Variants in ERBB4 observed in about 807,000 individuals in gnomAD.
ERBB4 encodes the protein erb-b2 receptor tyrosine kinase 4, also known as receptor tyrosine-protein kinase erbB-4.
ERBB4 carries 42 observed loss-of-function variants against 158.0 expected under a neutral mutation model. That is an observed-to-expected ratio of 0.27 (90% CI 0.21 to 0.34). ERBB4 has a LOEUF of 0.34. ERBB4 is among the 10% of genes least tolerant of loss of function. The pLI is 1.00. For missense variants in ERBB4, 1,333 were observed against 1,624.1 expected, an observed-to-expected ratio of 0.82 and a Z score of 3.08; for synonymous variants, 583 against 558.7, an observed-to-expected ratio of 1.04 and a Z score of -0.61.
intron 1 of ERBB4, among the ~76,000 whole-genome samples, chr2:212,405,853 G>T (rs1047162151): frequency 1.3e-5 from 2 of 152,046 alleles, no homozygotes; most frequent in African/African-American, 4.8e-5. Context: ...GAAAATTGAT[G>T]AATTTGAATA....
intron 3 of ERBB4, among the ~76,000 whole-genome samples, chr2:211,843,984 G>C (rs2077535536): frequency 6.6e-6 from 1 of 152,118 alleles, no homozygotes; most frequent in South Asian, 2.1e-4. Context: ...AGAGGTTGAA[G>C]TGGATTTTGA....
At chr2:211,753,247 A>T (rs2075187370) in intron 4 of ERBB4, among the ~76,000 whole-genome samples, 1 of 151,980 alleles carries the variant, frequency 6.6e-6, no homozygotes, top group South Asian at 2.1e-4. Context: ...AAGTACAGAG[A>T]GAGTTCCCAT....
intron 2 of ERBB4, among the ~76,000 whole-genome samples, chr2:212,061,324 G>A (rs1001379516): frequency 1.3e-5 from 2 of 151,374 alleles, no homozygotes; most frequent in African/African-American, 2.4e-5. Flanking sequence ...GTGGTGGTTC[G>A]TGACTGTAAT....
intron 14 of ERBB4, among the ~76,000 whole-genome samples, chr2:211,668,227 G>A (rs2071703059): frequency 6.6e-6 from 1 of 152,154 alleles, no homozygotes; most frequent in Non-Finnish European, 1.5e-5. Context: ...ATCACTAACT[G>A]AAATGTTGTT....
chr2:211,400,795 T>TAACA (rs931111283), intron 25 of ERBB4, among the ~76,000 whole-genome samples: 60 of 152,052 alleles, frequency 3.9e-4, no homozygotes, highest in African/African-American at 1.2e-3. Context: ...GGATTGCTTG[T>TAACA]AACACAAAGG....
intron 2 of ERBB4, among the ~76,000 whole-genome samples, chr2:211,967,540 CTT>C (rs969926268): frequency 2.0e-5 from 3 of 151,994 alleles, no homozygotes; most frequent in African/African-American, 7.2e-5. Flanking sequence ...CATCTTAAAA[CTT>C]ACGAGAAATG....
chr2:211,982,325 T>C (rs1432633842), intron 2 of ERBB4, among the ~76,000 whole-genome samples: 1 of 152,040 alleles, frequency 6.6e-6, no homozygotes, highest in Non-Finnish European at 1.5e-5. Flanking sequence ...TCTAAGTGAG[T>C]CAGTGTTTCC....
chr2:211,725,789 TAA>T (rs946489326), intron 5 of ERBB4, among the ~76,000 whole-genome samples: 1 of 151,608 alleles, frequency 6.6e-6, no homozygotes. Context: ...ACATAAATGT[TAA>T]GTTAATTCAC....
At chr2:211,655,586 C>A (rs1280282741) in intron 16 of ERBB4, among the ~76,000 whole-genome samples, 1 of 152,132 alleles carries the variant, frequency 6.6e-6, no homozygotes, top group Non-Finnish European at 1.5e-5. Context: ...ACTATATTAC[C>A]CCTAACTAGT....
rs191667543 is a variant in ERBB4 at position 212,174,767 on chromosome 2, G to A, written c.83-49864C>T. ...CTTTCAGTTTTTTCTTATCTTGGATGGGAAAAAGGAGTATTATAAACAGGA... is the reference window on the plus strand; with the variant it reads ...CTTTCAGTTTTTTCTTATCTTGGATAGGAAAAAGGAGTATTATAAACAGGA... On this transcript the variant is annotated intron_variant, in intron 1 of 27. Transcript: ENST00000342788. Among the ~76,000 whole-genome samples, 3 of 152,016 alleles carry A rather than the reference G, an allele frequency of 2.0e-5. No individual in the cohort carries two copies. In the East Asian group the frequency reaches 5.8e-4, roughly 29 times the overall value.
At chr2:212,343,000 G>C (rs993062148) in intron 1 of ERBB4, among the ~76,000 whole-genome samples, 1 of 152,016 alleles carries the variant, frequency 6.6e-6, no homozygotes, top group Non-Finnish European at 1.5e-5. Flanking sequence ...TCCTTGTCAA[G>C]TAACTCTCAA....
chr2:212,361,268 T>C (rs962405407), intron 1 of ERBB4, among the ~76,000 whole-genome samples: 2 of 151,632 alleles, frequency 1.3e-5, no homozygotes, highest in Admixed American at 6.6e-5. Context: ...CTCTACATTA[T>C]TTGAATCAAA....
intron 2 of ERBB4, among the ~76,000 whole-genome samples, chr2:212,118,848 A>T (rs777338000): frequency 6.6e-6 from 1 of 152,020 alleles, no homozygotes; most frequent in South Asian, 2.1e-4. Flanking sequence ...AATAACATGC[A>T]TTTGTTATTC....
intron 1 of ERBB4, among the ~76,000 whole-genome samples, chr2:212,197,655 T>C (rs537390800): frequency 2.8e-4 from 43 of 152,294 alleles, no homozygotes; most frequent in African/African-American, 1.0e-3. Flanking sequence ...ACTGTGTTTA[T>C]AACTCCAGAT....
chr2:212,114,837 T>A (rs1182994738), intron 2 of ERBB4, among the ~76,000 whole-genome samples: 1 of 152,106 alleles, frequency 6.6e-6, no homozygotes, highest in Non-Finnish European at 1.5e-5. Context: ...AAAAGCTTTG[T>A]AAAAACTTAC....
chr2:211,760,028 G>A (rs1369856844), intron 4 of ERBB4, among the ~76,000 whole-genome samples: 2 of 151,966 alleles, frequency 1.3e-5, no homozygotes, highest in Admixed American at 6.6e-5. Flanking sequence ...ATTTTCACTG[G>A]TACATGTAGG....
intron 1 of ERBB4, among the ~76,000 whole-genome samples, chr2:212,251,561 G>A (rs953596380): frequency 9.2e-5 from 14 of 151,906 alleles, no homozygotes; most frequent in Non-Finnish European, 1.8e-4. Context: ...TTGATTGGAG[G>A]ACTTTTGGGA....
intron 2 of ERBB4, among the ~76,000 whole-genome samples, chr2:211,997,151 T>G (rs1317968888): frequency 6.6e-6 from 1 of 152,160 alleles, no homozygotes; most frequent in African/African-American, 2.4e-5. Flanking sequence ...TTTGCCGGAT[T>G]AACTGCAAAT....
chr2:212,134,260 G>T, intron 1 of ERBB4, among the ~76,000 whole-genome samples: 1 of 151,544 alleles, frequency 6.6e-6, no homozygotes. Context: ...TTACATTCTT[G>T]AATGAATCAT....
Sources: allele counts gnomAD v4.1 joint callset (sites outside exome capture counted in the v4.1 genomes callset), GRCh38; gene constraint gnomAD v4.1.1; transcripts MANE v1.5; gene names NCBI Gene and HGNC (gene_info 2026-07-23, HGNC 2026-07-21).